FSTL5: variants seen among roughly 807,000 people sequenced by gnomAD.
FSTL5 encodes the protein follistatin like 5.
FSTL5 carries 62 observed loss-of-function variants against 89.1 expected under a neutral mutation model. That is an observed-to-expected ratio of 0.70 (90% confidence interval 0.57 to 0.86). The LOEUF (loss-of-function observed/expected upper bound fraction) is 0.86. Among genes scored for constraint, FSTL5 ranks in the 40% least tolerant of loss-of-function variants. The pLI, the probability that FSTL5 is intolerant of heterozygous loss-of-function variation, is 0.00. For missense variants in FSTL5, 1,057 were observed against 1,001.6 expected, an observed-to-expected ratio of 1.06 and a Z score of -0.75; for synonymous variants, 383 against 346.2, an observed-to-expected ratio of 1.11 and a Z score of -1.18.
intron 1 of FSTL5, among the ~76,000 whole-genome samples, chr4:162,127,597 T>C (rs1677444193): frequency 1.3e-5 from 2 of 152,228 alleles, no homozygotes; most frequent in African/African-American, 2.4e-5. Flanking sequence ...GATAGGATTT[T>C]CATAAAGTTT....
At chr4:162,052,722 T>C (rs2111260996) in intron 2 of FSTL5, among the ~76,000 whole-genome samples, 1 of 151,886 alleles carries the variant, frequency 6.6e-6, no homozygotes, top group South Asian at 2.1e-4. Flanking sequence ...AGCAAACGCG[T>C]GTGACAAAAA....
chr4:161,583,336 T>C (rs1269007688), intron 8 of FSTL5, among the ~76,000 whole-genome samples: 1 of 152,168 alleles, frequency 6.6e-6, no homozygotes, highest in Non-Finnish European at 1.5e-5. Flanking sequence ...AGACTGAGGG[T>C]AGAAACTGTG....
At chr4:162,094,340 C>T (rs578239841) in intron 2 of FSTL5, among the ~76,000 whole-genome samples, 54 of 152,196 alleles carry the variant, frequency 3.5e-4, no homozygotes, top group Admixed American at 2.3e-3. Flanking sequence ...TAAGCTAAAG[C>T]TAAACATGTC....
intron 15 of FSTL5, among the ~76,000 whole-genome samples, chr4:161,389,743 T>A (rs1276380218): frequency 6.6e-6 from 1 of 152,118 alleles, no homozygotes; most frequent in Non-Finnish European, 1.5e-5. Context: ...AATGTATGTA[T>A]ACTACCAGGC....
At position 162,026,459 on chromosome 4, in the gene FSTL5, C is replaced by G. The variant is rs556877165; in HGVS notation, c.160+7166G>C. Among the ~76,000 whole-genome samples, 322 of 151,746 alleles carry G rather than the reference C, an allele frequency of 2.1e-3. 3 individuals are homozygous for G. Among genetic ancestry groups the G allele is most frequent in the African/African-American group, 7.4e-3 (307 of 41,392 alleles). On this transcript the variant is annotated intron_variant, in intron 3 of 15. Transcript: ENST00000306100. Reference sequence around the variant, plus strand: ...AGTAGCTGGAATTACAGGTGCCCACCACCACGCTTGGCTAATTTTTGTATT... The same window carrying G: ...AGTAGCTGGAATTACAGGTGCCCACGACCACGCTTGGCTAATTTTTGTATT...
intron 7 of FSTL5, among the ~76,000 whole-genome samples, chr4:161,655,288 GC>G (rs1180348886): frequency 6.6e-6 from 1 of 151,822 alleles, no homozygotes; most frequent in African/African-American, 2.4e-5. Context: ...GCTTCTGAGA[GC>G]TTTTTTTTTT....
chr4:161,713,839 G>A (rs532872844), intron 6 of FSTL5, among the ~76,000 whole-genome samples: 4 of 151,934 alleles, frequency 2.6e-5, no homozygotes, highest in Non-Finnish European at 4.4e-5. Flanking sequence ...CTACTGGATT[G>A]TTTTACATTT....
intron 1 of FSTL5, among the ~76,000 whole-genome samples, chr4:162,159,333 A>G (rs546420265): frequency 6.6e-6 from 1 of 152,180 alleles, no homozygotes; most frequent in East Asian, 1.9e-4. Context: ...CTCTATTACA[A>G]TGTATATTTA....
chr4:161,513,259 C>T (rs1013146945), intron 10 of FSTL5, among the ~76,000 whole-genome samples: 2 of 114,770 alleles, frequency 1.7e-5, no homozygotes, highest in Non-Finnish European at 3.5e-5. Flanking sequence ...TGAACTGAAC[C>T]AAACAAGGAG....
chr4:161,386,094 T>C lies in FSTL5; in HGVS notation c.2197A>G (p.Ile733Val). The C allele has an allele frequency of 1.2e-6, 2 of 1,613,996 alleles. No homozygotes were observed. Among genetic ancestry groups the C allele is most frequent in the Non-Finnish European group, 1.7e-6 (2 of 1,179,962 alleles). ...TCAGATATGTGCAGATTTGTGTAAA[T>C]ATCAAAAGCCTCCTGTATTTCTCCT... ...IRGEIQEAFD[I>V]YTNLHISDLA... Residue 733 changes from isoleucine (I) to valine (V), a missense_variant, in exon 16 of 16, where the codon ATT (isoleucine) becomes GTT (valine). Ile to Val is a conservative substitution (Grantham distance 29, BLOSUM62 3). Transcript: ENST00000306100.
chr4:161,462,048 A>C (rs2126416262), intron 13 of FSTL5, among the ~76,000 whole-genome samples: 1 of 152,300 alleles, frequency 6.6e-6, no homozygotes, highest in South Asian at 2.1e-4. Flanking sequence ...AGCTCTCACA[A>C]ATTGCTTTTC....
chr4:161,873,227 A>G (rs2126902256), intron 4 of FSTL5, among the ~76,000 whole-genome samples: 1 of 152,250 alleles, frequency 6.6e-6, no homozygotes, highest in Non-Finnish European at 1.5e-5. Context: ...CTGCACACCT[A>G]ATATGGCCTC....
chr4:161,732,447 AC>A (rs1186853676), intron 6 of FSTL5, among the ~76,000 whole-genome samples: 1 of 151,546 alleles, frequency 6.6e-6, no homozygotes, highest in African/African-American at 2.4e-5. Flanking sequence ...TCTATGGGGG[AC>A]CTTTTCACTT....
intron 6 of FSTL5, among the ~76,000 whole-genome samples, chr4:161,699,612 T>C (rs1389598738): frequency 6.6e-6 from 1 of 152,230 alleles, no homozygotes; most frequent in Non-Finnish European, 1.5e-5. Flanking sequence ...TAATTAACTT[T>C]CATTTAAGAA....
At chr4:161,456,506 T>C (rs1733358687) in intron 14 of FSTL5, among the ~76,000 whole-genome samples, 1 of 152,236 alleles carries the variant, frequency 6.6e-6, no homozygotes, top group Non-Finnish European at 1.5e-5. Flanking sequence ...AATTTTCTGA[T>C]CCTTGAGAAC....
intron 3 of FSTL5, among the ~76,000 whole-genome samples, chr4:162,025,658 C>A (rs1560976918): frequency 6.6e-6 from 1 of 151,944 alleles, no homozygotes; most frequent in Non-Finnish European, 1.5e-5. Context: ...GATATTATTA[C>A]TTATTGTCTA....
intron 7 of FSTL5, among the ~76,000 whole-genome samples, chr4:161,589,528 T>C (rs980999071): frequency 6.6e-6 from 1 of 151,846 alleles, no homozygotes; most frequent in African/African-American, 2.4e-5. Context: ...ATGTTGGCCA[T>C]GCTGATCTCA....
intron 3 of FSTL5, among the ~76,000 whole-genome samples, chr4:162,027,918 G>C (rs919453047): frequency 1.3e-5 from 2 of 152,116 alleles, no homozygotes; most frequent in Admixed American, 6.6e-5. Flanking sequence ...CGAGAAAATA[G>C]AATTGTTCTC....
chr4:161,470,422 T>C (rs894473892), intron 13 of FSTL5, among the ~76,000 whole-genome samples: 3 of 152,192 alleles, frequency 2.0e-5, no homozygotes, highest in Admixed American at 6.5e-5. Context: ...TTTATGAACT[T>C]TCTATTCCAT....
Sources: allele counts gnomAD v4.1 joint callset (sites outside exome capture counted in the v4.1 genomes callset), GRCh38; gene constraint gnomAD v4.1.1; transcripts MANE v1.5; gene names NCBI Gene and HGNC (gene_info 2026-07-23, HGNC 2026-07-21).